The following MTRFR variants were observed in gnomAD, a reference collection of about 807,000 sequenced individuals.
The protein encoded by MTRFR is probable peptide chain release factor C12orf65, mitochondrial.
Under a neutral mutation model 11.9 loss-of-function variants are expected in MTRFR, and 10 were observed. The ratio of observed to expected loss-of-function variants is 0.84; its 90% CI spans 0.52 to 1.42. The LOEUF (loss-of-function observed/expected upper bound fraction) is 1.42. Among genes scored for constraint, MTRFR ranks in the 40% most tolerant of loss-of-function variants. The pLI is 0.00. For synonymous variants in MTRFR, 77 were observed against 79.1 expected, an observed-to-expected ratio of 0.97 and a Z score of 0.14; for missense variants, 196 against 197.9, an observed-to-expected ratio of 0.99 and a Z score of 0.06.
intron 1 of MTRFR, chr12:123,251,064 T>G (rs1416653580): frequency 6.6e-6 from 1 of 152,090 alleles, no homozygotes. Flanking sequence ...GTCGTGTACC[T>G]AGGAGAGTTA....
At chr12:123,244,964 C>CA (rs1431526665) in intron 1 of MTRFR, among the ~76,000 whole-genome samples, 5 of 54,334 alleles carry the variant, frequency 9.2e-5, no homozygotes, top group South Asian at 7.5e-4. Context: ...TTTTTTTAGA[C>CA]AGAGTCTTAC....
At chr12:123,251,911 G>A (rs936882042) in intron 1 of MTRFR, 1 of 152,412 alleles carries the variant, frequency 6.6e-6, no homozygotes, top group Admixed American at 6.5e-5. Context: ...AAAATAGGCT[G>A]TCTAGAGCTG....
At chr12:123,247,569 T>C (rs1049524850) in intron 1 of MTRFR, among the ~76,000 whole-genome samples, 1 of 152,194 alleles carries the variant, frequency 6.6e-6, no homozygotes, top group African/African-American at 2.4e-5. Flanking sequence ...GGGCAGCAGA[T>C]GGTTGATGAG....
chr12:123,245,358 A>G (rs2048024138), intron 1 of MTRFR, among the ~76,000 whole-genome samples: 1 of 152,104 alleles, frequency 6.6e-6, no homozygotes, highest in Non-Finnish European at 1.5e-5. Flanking sequence ...TGCTTTGGCT[A>G]TGTGGGCTCT....
chr12:123,252,794 A>G (rs1324432656), intron 1 of MTRFR, among the ~76,000 whole-genome samples: 1 of 152,060 alleles, frequency 6.6e-6, no homozygotes, highest in East Asian at 2.0e-4. Context: ...GTGTGGTGGC[A>G]CACGCCTGTA....
At chr12:123,235,451 G>A (rs532431663) in intron 1 of MTRFR, among the ~76,000 whole-genome samples, 2 of 151,938 alleles carry the variant, frequency 1.3e-5, no homozygotes, top group East Asian at 1.9e-4. Context: ...TGCAAGCTCC[G>A]CCCCCCAGGT....
intron 1 of MTRFR, chr12:123,248,235 C>G (rs563482505): frequency 6.6e-6 from 1 of 152,246 alleles, no homozygotes; most frequent in African/African-American, 2.4e-5. Flanking sequence ...CTTAGTTTTG[C>G]TGGATACAAA....
chr12:123,241,430 C>T (rs34841857), intron 1 of MTRFR, among the ~76,000 whole-genome samples: 79,271 of 151,792 alleles, frequency 0.52, 24,827 homozygotes, highest in East Asian at 0.7. Flanking sequence ...CTCTGCCTCC[C>T]GGGTTCAAGC....
intron 1 of MTRFR, chr12:123,248,732 A>G (rs576922689): frequency 3.2e-4 from 48 of 152,334 alleles, no homozygotes; most frequent in African/African-American, 1.2e-3. Flanking sequence ...AACGGGTTGC[A>G]CTGCTGGCTC....
chr12:123,246,088 C>T (rs1326265466), intron 1 of MTRFR, among the ~76,000 whole-genome samples: 1 of 152,064 alleles, frequency 6.6e-6, no homozygotes, highest in Admixed American at 6.6e-5. Context: ...GAGACAGTCT[C>T]GCTCTGTCAC....
intron 1 of MTRFR, chr12:123,240,384 C>T (rs1397699312): frequency 3.3e-5 from 5 of 151,952 alleles, no homozygotes; most frequent in African/African-American, 4.8e-5. Context: ...CCTCAGGCCT[C>T]GCCCCAGACC....
chr12:123,256,777 T>C, intron 2 of MTRFR, 36 bp from the exon 3 acceptor site: 1 of 1,526,312 alleles, frequency 6.6e-7, no homozygotes, highest in Non-Finnish European at 9.1e-7. Flanking sequence ...TTTAACATCC[T>C]GTGGTTTTCA....
Position 123,256,944 on chromosome 12 carries a change from A to G in MTRFR, c.414A>G (p.Lys138=). ...AAAAACGAGAAGCGGCGAAGAAAAAACAAGAAAGGAAAAAAAGAGCAAAGG... is the reference window on the plus strand; with the variant it reads ...AAAAACGAGAAGCGGCGAAGAAAAAGCAAGAAAGGAAAAAAAGAGCAAAGG... The part of the protein sequence containing the change: ...HKEKREAAKK[K]QERKKRAKET... The change falls in exon 3 of 3, where the codon AAA becomes AAG. Residue 138 remains lysine, a synonymous_variant. Coordinates refer to ENST00000253233, the MANE Select transcript of MTRFR (RefSeq NM_152269.5). 3 of 1,613,866 alleles carry G rather than the reference A, an allele frequency of 1.9e-6. No homozygotes were observed. The highest frequency in any genetic ancestry group is 1.7e-6 in the Non-Finnish European group (2 of 1,179,968).
chr12:123,257,343 C>A lies in MTRFR; in HGVS notation c.*312C>A, dbSNP rs954199742. The A allele has an allele frequency of 7.3e-6, 2 of 274,986 alleles. No individual in the cohort carries two copies. Among genetic ancestry groups the A allele is most frequent in the South Asian group, 4.2e-5 (1 of 23,952 alleles). The allele number at this position is 274,986 out of a possible 1,614,324, so 17.0% of individuals were successfully genotyped here. A position where few individuals can be genotyped will look rare whatever the true frequency, so the allele number is the denominator to read the frequency against. On this transcript the variant is annotated 3_prime_UTR_variant, in exon 3 of 3. Coordinates refer to ENST00000253233, the MANE Select transcript of MTRFR (RefSeq NM_152269.5). ...CAGCCTGGCCAACATGGTGAAACCCCGTCTCTACTAAAAATACAAAAAATT... is the reference window on the plus strand; with the variant it reads ...CAGCCTGGCCAACATGGTGAAACCCAGTCTCTACTAAAAATACAAAAAATT...
At chr12:123,235,881 T>C (rs1275736529) in intron 1 of MTRFR, among the ~76,000 whole-genome samples, 1 of 151,352 alleles carries the variant, frequency 6.6e-6, no homozygotes, top group Non-Finnish European at 1.5e-5. Flanking sequence ...CTGGCCAACA[T>C]GGTGAAACCC....
Position 123,253,874 on chromosome 12 carries a change from G to T in MTRFR, c.200G>T (p.Gly67Val). 6.2e-7 allele frequency: 1 copy of T among 1,614,188 alleles called. No homozygotes were observed. Among genetic ancestry groups the T allele is most frequent in the Non-Finnish European group, 8.5e-7 (1 of 1,180,034 alleles). The stretch of plus-strand genomic sequence containing the variant: ...GAACTCGAAGAGCAGTTTGTGAAAG[G>T]ACACGGTCCAGGGGGCCAGGCAACC... ...ENELEEQFVK[G>V]HGPGGQATNK... Residue 67 changes from glycine to valine, a missense_variant, in exon 2 of 3, where the codon GGA (glycine) becomes GTA (valine). Physicochemically the swap from Gly to Val is moderately radical, Grantham distance 109. Transcript: ENST00000253233.
At position 123,257,225 on chromosome 12, in the gene MTRFR, C is replaced by CG. The variant is rs776033897; in HGVS notation, c.*196dup. On this transcript the variant is annotated 3_prime_UTR_variant, in exon 3 of 3. Coordinates refer to ENST00000253233, the MANE Select transcript of MTRFR (RefSeq NM_152269.5). Reference sequence around the variant, plus strand: ...ACATGCACGATTCAAGAATAAAACTCGGCTGGGCACGGTGGACGGTGCCTC... The same window carrying CG: ...ACATGCACGATTCAAGAATAAAACTCGGGCTGGGCACGGTGGACGGTGCCTC... 17 of 599,952 alleles carry CG rather than the reference C, an allele frequency of 2.8e-5. No homozygotes were observed. In the East Asian group the frequency reaches 4.0e-4, roughly 14 times the overall value. 37.2% of individuals were successfully genotyped at this position (599,952 alleles called of 1,614,324 possible).
chr12:123,242,759 C>T (rs1361510033), intron 1 of MTRFR, among the ~76,000 whole-genome samples: 1 of 152,202 alleles, frequency 6.6e-6, no homozygotes, highest in Non-Finnish European at 1.5e-5. Flanking sequence ...GATAAAAGCA[C>T]TCTCATCTCC....
rs1430241527 is a variant in MTRFR at position 123,257,259 on chromosome 12, A to G, written c.*228A>G. 8.1e-6 allele frequency: 4 copies of G among 495,512 alleles called. No homozygotes were observed. Among genetic ancestry groups the G allele is most frequent in the Non-Finnish European group, 1.4e-5 (4 of 276,148 alleles). 30.7% of individuals were successfully genotyped at this position (495,512 alleles called of 1,614,324 possible). A position where few individuals can be genotyped will look rare whatever the true frequency, so the allele number is the denominator to read the frequency against. Reference sequence around the variant, plus strand: ...ACGGTGGACGGTGCCTCACATCTGTAATCCCAGCACTTTGGGAGGCCGAGG... The same window carrying G: ...ACGGTGGACGGTGCCTCACATCTGTGATCCCAGCACTTTGGGAGGCCGAGG... On this transcript the variant is annotated 3_prime_UTR_variant, in exon 3 of 3. Coordinates refer to ENST00000253233, the MANE Select transcript of MTRFR (RefSeq NM_152269.5).
Sources: allele counts gnomAD v4.1 joint callset (sites outside exome capture counted in the v4.1 genomes callset), GRCh38; gene constraint gnomAD v4.1.1; transcripts MANE v1.5; gene names NCBI Gene and HGNC (gene_info 2026-07-23, HGNC 2026-07-21).